Variants in ALK observed in about 807,000 individuals in gnomAD.
ALK encodes ALK tyrosine kinase receptor.
ALK carries 74 observed loss-of-function variants against 163.1 expected under a neutral mutation model. The ratio of observed to expected loss-of-function variants is 0.45; its 90% CI spans 0.38 to 0.55. The LOEUF (loss-of-function observed/expected upper bound fraction) is 0.55, where lower values mean the gene tolerates loss of function less well. Ranked by LOEUF, ALK falls within the 20% of genes least tolerant of loss-of-function variation. The pLI is 0.00. For synonymous variants in ALK, 960 were observed against 843.2 expected, an observed-to-expected ratio of 1.14 and a Z score of -2.40; for missense variants, 2,063 against 2,105.3, an observed-to-expected ratio of 0.98 and a Z score of 0.39.
chr2:29,830,955 A>AAAGAAGAAGAAGAAGAAG lies in ALK; in HGVS notation c.667+89020_667+89037dup, dbSNP rs1161936241. On this transcript the variant is annotated intron_variant, in intron 1 of 28. Transcript: ENST00000389048. ...GAAGAAGAAGAAGAAAAGAAGAAGA[A>AAAGAAGAAGAAGAAGAAG]AAGAAGAAGAAGAAGAAGAAGAAGA... Among the ~76,000 whole-genome samples, 17 of 27,744 alleles carry AAAGAAGAAGAAGAAGAAG rather than the reference A, an allele frequency of 6.1e-4. 2 individuals carry two copies. Among genetic ancestry groups the AAAGAAGAAGAAGAAGAAG allele is most frequent in the African/African-American group, 1.8e-3 (15 of 8,410 alleles). 18.2% of individuals were successfully genotyped at this position (27,744 alleles called of 152,430 possible).
At chr2:29,684,219 G>A (rs1284070119) in intron 3 of ALK, among the ~76,000 whole-genome samples, 1 of 152,116 alleles carries the variant, frequency 6.6e-6, no homozygotes, top group Non-Finnish European at 1.5e-5. Flanking sequence ...AAATCAGTGA[G>A]GCTAAAAAAC....
At chr2:29,663,529 C>T (rs576122495) in intron 3 of ALK, among the ~76,000 whole-genome samples, 1 of 152,212 alleles carries the variant, frequency 6.6e-6, no homozygotes, top group Non-Finnish European at 1.5e-5. Flanking sequence ...GATCCTTAAG[C>T]AATTTCCCTC....
intron 14 of ALK, 140 bp downstream of exon 14, chr2:29,233,425 A>C (rs1664273953): frequency 1.6e-6 from 2 of 1,255,708 alleles, no homozygotes; most frequent in Non-Finnish European, 1.2e-6. Flanking sequence ...GGATTACAGG[A>C]ATGAGCCACT....
chr2:29,644,577 C>T (rs76308286), intron 3 of ALK, among the ~76,000 whole-genome samples: 1,982 of 17,006 alleles, frequency 0.12, 40 homozygotes, highest in African/African-American at 0.33. Context: ...GTTTTTTTTT[C>T]CCCCCACTCT....
chr2:29,517,741 C>T (rs923910539), intron 4 of ALK, among the ~76,000 whole-genome samples: 2 of 152,208 alleles, frequency 1.3e-5, no homozygotes, highest in Non-Finnish European at 2.9e-5. Flanking sequence ...AGTTCCAGAA[C>T]ATCACTTAAT....
chr2:29,579,296 T>C (rs1674610603), intron 3 of ALK, among the ~76,000 whole-genome samples: 1 of 152,220 alleles, frequency 6.6e-6, no homozygotes, highest in Admixed American at 6.5e-5. Flanking sequence ...CCAGGCTCTT[T>C]CTGATCTTTA....
At chr2:29,593,280 G>A (rs1213044201) in intron 3 of ALK, among the ~76,000 whole-genome samples, 9 of 152,214 alleles carry the variant, frequency 5.9e-5, no homozygotes, top group Non-Finnish European at 1.2e-4. Flanking sequence ...AGTCCCAGAA[G>A]AGGGATGGCT....
intron 1 of ALK, among the ~76,000 whole-genome samples, chr2:29,873,407 C>A (rs916770483): frequency 4.6e-5 from 7 of 152,138 alleles, no homozygotes; most frequent in African/African-American, 7.2e-5. Context: ...ACTGGAGCAA[C>A]AGAAGCTGGG....
rs532616893 is a variant in ALK at position 29,700,597 on chromosome 2, T to A, written c.788-5583A>T. 3.7e-4 allele frequency among the ~76,000 whole-genome samples: 56 copies of A among 152,298 alleles called. 1 individual carries two copies. Among genetic ancestry groups the A allele is most frequent in the African/African-American group, 1.1e-3 (44 of 41,568 alleles). ...AGTTTTGCACATAATAGTTGCAGGA[T>A]GAACGAGTGAGTGTGTGTGCACACA... On this transcript the variant is annotated intron_variant, in intron 2 of 28. Coordinates refer to ENST00000389048, the MANE Select transcript of ALK (RefSeq NM_004304.5).
chr2:29,356,769 G>T (rs1456196111), intron 5 of ALK, among the ~76,000 whole-genome samples: 1 of 152,130 alleles, frequency 6.6e-6, no homozygotes, highest in East Asian at 1.9e-4. Flanking sequence ...TGCCATCTGG[G>T]CCCTGCACAC....
chr2:29,628,360 TA>T (rs1042518144), intron 3 of ALK, among the ~76,000 whole-genome samples: 3 of 152,196 alleles, frequency 2.0e-5, no homozygotes, highest in Non-Finnish European at 4.4e-5. Context: ...TGCTCTCTAT[TA>T]AAACACGCTA....
chr2:29,372,371 C>G (rs916038931), intron 5 of ALK, among the ~76,000 whole-genome samples: 1 of 152,202 alleles, frequency 6.6e-6, no homozygotes, highest in African/African-American at 2.4e-5. Flanking sequence ...CTTCACCGAT[C>G]CTGAGTTGTA....
chr2:29,875,237 C>G (rs920974721), intron 1 of ALK, among the ~76,000 whole-genome samples: 5 of 151,996 alleles, frequency 3.3e-5, no homozygotes, highest in African/African-American at 9.7e-5. Flanking sequence ...AGAAAGTAGA[C>G]TAGAGGTTAC....
intron 3 of ALK, among the ~76,000 whole-genome samples, chr2:29,621,063 A>G (rs1435145327): frequency 1.3e-5 from 2 of 152,178 alleles, no homozygotes; most frequent in Admixed American, 1.3e-4. Context: ...GGGGTTGGAA[A>G]TGAGGCTTTG....
intron 19 of ALK, among the ~76,000 whole-genome samples, chr2:29,225,258 C>T (rs995140336): frequency 1.3e-5 from 2 of 152,136 alleles, no homozygotes; most frequent in Admixed American, 1.3e-4. Flanking sequence ...TCAGGGGCTC[C>T]TCAGGGAACT....
intron 4 of ALK, among the ~76,000 whole-genome samples, chr2:29,417,137 G>A (rs1393530394): frequency 4.0e-5 from 6 of 151,818 alleles, no homozygotes; most frequent in Non-Finnish European, 8.8e-5. Context: ...ACAGGTGCCT[G>A]CCACCATGCC....
Position 29,485,107 on chromosome 2 carries a change from C to T in ALK, c.1154+46808G>A, listed in dbSNP as rs1337165371. Among the ~76,000 whole-genome samples, 7 of 152,112 alleles carry T rather than the reference C, an allele frequency of 4.6e-5. No individual in the cohort carries two copies. In the East Asian group the frequency reaches 1.2e-3, roughly 25 times the overall value. On this transcript the variant is annotated intron_variant, in intron 4 of 28. Transcript: ENST00000389048. ...TTCCAGAAAATACTCAAATTATTTT[C>T]CCAAGTATTGATCCTCCTCCATCTC...
chr2:29,495,556 T>C (rs1203279511), intron 4 of ALK, among the ~76,000 whole-genome samples: 1 of 152,146 alleles, frequency 6.6e-6, no homozygotes, highest in Non-Finnish European at 1.5e-5. Context: ...CCCCACACCT[T>C]TGTAAAGAAT....
At chr2:29,586,220 T>G (rs1322429672) in intron 3 of ALK, among the ~76,000 whole-genome samples, 6 of 148,688 alleles carry the variant, frequency 4.0e-5, no homozygotes, top group Non-Finnish European at 6.0e-5. Flanking sequence ...AGTTGCCCAT[T>G]TTTTTGGGGG....
Sources: gnomAD v4.1 joint callset for allele counts (sites outside exome capture counted in the v4.1 genomes callset) on GRCh38, gnomAD v4.1.1 for gene constraint, MANE v1.5 for transcripts, NCBI Gene and HGNC (gene_info 2026-07-23, HGNC 2026-07-21) for gene names.